Variants in CDON observed in about 807,000 individuals in gnomAD.
CDON encodes the protein cell adhesion molecule-related/down-regulated by oncogenes.
A neutral mutation model predicts 120.9 loss-of-function variants in CDON; 73 were observed. That is an observed-to-expected ratio of 0.60 (90% confidence interval 0.50 to 0.73). CDON has a LOEUF of 0.73. CDON is among the 30% of genes least tolerant of loss of function. The probability of loss-of-function intolerance (pLI) is 0.00; values close to 1 mark genes in which losing one functional copy is unlikely to be tolerated. For synonymous variants in CDON, 566 were observed against 573.5 expected (o/e 0.99, Z 0.19); for missense variants, 1,470 against 1,587.3 (o/e 0.93, Z 1.26).
intron 11 of CDON, among the ~76,000 whole-genome samples, chr11:125,998,890 T>C (rs1420296058): frequency 1.3e-5 from 2 of 152,156 alleles, no homozygotes; most frequent in Non-Finnish European, 2.9e-5. Flanking sequence ...TGACGCTAGT[T>C]ACTTTGAGAA....
At chr11:126,061,732 A>C (rs1466544450) in intron 1 of CDON, among the ~76,000 whole-genome samples, 1 of 152,224 alleles carries the variant, frequency 6.6e-6, no homozygotes, top group African/African-American at 2.4e-5. Context: ...TTGGGACACA[A>C]AGGCTGACTT....
At chr11:125,965,326 A>G (rs563936994) in intron 18 of CDON, among the ~76,000 whole-genome samples, 2 of 152,346 alleles carry the variant, frequency 1.3e-5, no homozygotes, top group Non-Finnish European at 2.9e-5. Context: ...GAACAACTAA[A>G]AAAAATGGAG....
rs1410111649 is a variant in CDON, at chr11:126,010,659, C to T, written c.1234G>A (p.Val412Ile). ...GFKPVIITAP[V>I]SAKVADGDFV... is the part of the protein sequence containing the mutation. ...TCTCCGTCTGCAACCTTTGCACTTA[C>T]TGGTGCCGTAATTATAACTGGCTTG... The change falls in exon 8 of 20, where the codon GTA becomes ATA. Residue 412 changes from valine (V) to isoleucine (I), a missense_variant. Coordinates refer to ENST00000531738, the MANE Select transcript of CDON (RefSeq NM_001378964.1). The T allele has an allele frequency of 6.2e-7, 1 of 1,614,046 alleles. No homozygotes were observed. The highest frequency in any genetic ancestry group is 2.2e-5 in the East Asian group (1 of 44,902).
chr11:125,998,339 C>G (rs186052551), intron 11 of CDON, among the ~76,000 whole-genome samples: 2 of 152,064 alleles, frequency 1.3e-5, no homozygotes, highest in Admixed American at 1.3e-4. Flanking sequence ...GGGGGTGGTT[C>G]CCTCATGATG....
intron 9 of CDON, 109 bp downstream of exon 9, chr11:126,005,650 G>A: frequency 9.9e-7 from 1 of 1,009,004 alleles, no homozygotes; most frequent in Non-Finnish European, 1.6e-6. Flanking sequence ...CAGTCTGGAA[G>A]ACTCTTGTTC....
At chr11:126,028,566 T>C (rs780661210) in intron 1 of CDON, among the ~76,000 whole-genome samples, 1 of 152,052 alleles carries the variant, frequency 6.6e-6, no homozygotes, top group Non-Finnish European at 1.5e-5. Flanking sequence ...TTTTGCCATG[T>C]TGGCCAGGTT....
At chr11:125,966,314 T>C (rs1361676798) in intron 18 of CDON, among the ~76,000 whole-genome samples, 1 of 152,100 alleles carries the variant, frequency 6.6e-6, no homozygotes, top group African/African-American at 2.4e-5. Flanking sequence ...TAATAATCAC[T>C]TGGAAATTCT....
chr11:125,988,380 T>C (rs940441232), intron 15 of CDON, among the ~76,000 whole-genome samples: 2 of 151,738 alleles, frequency 1.3e-5, no homozygotes, highest in Non-Finnish European at 2.9e-5. Flanking sequence ...AAAAAATGAA[T>C]TTTTTTTTCT....
intron 7 of CDON, chr11:126,014,868 T>A: frequency 5.2e-6 from 1 of 194,088 alleles, no homozygotes; most frequent in Admixed American, 5.3e-5. Flanking sequence ...CACTCTCTCA[T>A]GTTGTGTGAA....
intron 3 of CDON, among the ~76,000 whole-genome samples, chr11:126,020,103 T>C (rs764141359): frequency 6.6e-6 from 1 of 151,994 alleles, no homozygotes; most frequent in Non-Finnish European, 1.5e-5. Flanking sequence ...CACATGTGCA[T>C]GGTTGAGGGC....
chr11:125,988,040 A>G (rs988778874), intron 15 of CDON, among the ~76,000 whole-genome samples: 17 of 152,200 alleles, frequency 1.1e-4, no homozygotes, highest in African/African-American at 4.1e-4. Context: ...TCACCTGTAG[A>G]GACCCTGATG....
chr11:126,057,302 C>T (rs752625619), intron 1 of CDON, among the ~76,000 whole-genome samples: 10 of 152,164 alleles, frequency 6.6e-5, no homozygotes, highest in East Asian at 1.9e-4. Flanking sequence ...AATTTCAAAC[C>T]GCACAAAAGA....
intron 1 of CDON, among the ~76,000 whole-genome samples, chr11:126,026,836 T>C (rs1471626360): frequency 2.6e-5 from 4 of 152,246 alleles, no homozygotes; most frequent in African/African-American, 9.6e-5. Context: ...AATAACTTGT[T>C]AACAGGAGAC....
intron 8 of CDON, among the ~76,000 whole-genome samples, chr11:126,009,414 G>T (rs577531893): frequency 6.6e-6 from 1 of 152,330 alleles, no homozygotes; most frequent in South Asian, 2.1e-4. Context: ...GGCCAGGGGA[G>T]AGGAACTGTG....
rs1225599674 is a variant in CDON, at chr11:125,995,885, A to G, written c.2363-833T>C. On this transcript the variant is annotated intron_variant, in intron 12 of 19. Coordinates refer to ENST00000531738, the MANE Select transcript of CDON (RefSeq NM_001378964.1). ...CTAACGTACATTTAAAAGTCCTGAA[A>G]AAAATTGCCATGAAACCTAAACGAA... Among the ~76,000 whole-genome samples, 5 of 152,240 alleles carry G rather than the reference A, an allele frequency of 3.3e-5. No homozygotes were observed. In the East Asian group the frequency reaches 9.6e-4, roughly 29 times the overall value.
chr11:126,044,953 T>A (rs552306392), intron 1 of CDON, among the ~76,000 whole-genome samples: 4 of 152,318 alleles, frequency 2.6e-5, no homozygotes, highest in Admixed American at 2.0e-4. Context: ...CATTACACAC[T>A]GTTATGCCTT....
chr11:126,028,743 T>A (rs1223742976), intron 1 of CDON, among the ~76,000 whole-genome samples: 5 of 149,750 alleles, frequency 3.3e-5, no homozygotes, highest in African/African-American at 9.9e-5. Flanking sequence ...TTTATTTATT[T>A]ATTATGTCTT....
intron 18 of CDON, among the ~76,000 whole-genome samples, chr11:125,977,032 T>C (rs1946167449): frequency 6.6e-6 from 1 of 152,192 alleles, no homozygotes. Context: ...CAAGACCACT[T>C]GTAACTAAAT....
rs553136108 is a variant in CDON, at chr11:125,998,398, C to T, written c.2159-988G>A. Among the ~76,000 whole-genome samples the T allele has an allele frequency of 1.6e-4, 25 of 152,206 alleles. No individual in the cohort carries two copies. In the South Asian group the frequency reaches 4.6e-3, roughly 28 times the overall value. On this transcript the variant is annotated intron_variant, in intron 11 of 19. Transcript: ENST00000531738. ...TAAGCAAGTTCTCGCTCTGTTGATT[C>T]ACACGAGAGCTGGTGATTTAAAAGC... is the stretch of plus-strand genomic sequence containing the variant.
Sources: gnomAD v4.1 joint callset for allele counts (sites outside exome capture counted in the v4.1 genomes callset) on GRCh38, gnomAD v4.1.1 for gene constraint, MANE v1.5 for transcripts, NCBI Gene and HGNC (gene_info 2026-07-23, HGNC 2026-07-21) for gene names.